The following RAC1 variants were observed in gnomAD, a reference collection of about 807,000 sequenced individuals.
RAC1 encodes the protein ras-related C3 botulinum toxin substrate 1.
In RAC1, 2 loss-of-function variants were observed where a neutral mutation model predicts 25.2. The observed-to-expected ratio is 0.08, with a 90% CI of 0.03 to 0.25. The LOEUF is 0.25. Among genes scored for constraint, RAC1 ranks in the 10% least tolerant of loss-of-function variants. The pLI is 1.00. For synonymous variants in RAC1, 88 were observed against 94.0 expected (o/e 0.94, Z 0.37); for missense variants, 50 against 235.7 (o/e 0.21, Z 5.16).
At chr7:6,379,732 ATTTTTTATTTTT>A (rs1782712335) in intron 1 of RAC1, among the ~76,000 whole-genome samples, 1 of 151,882 alleles carries the variant, frequency 6.6e-6, no homozygotes, top group African/African-American at 2.4e-5. Flanking sequence ...TTATTATTTT[ATTTTTTATTTTT>A]TTATTGCTTA....
At chr7:6,391,055 C>T (rs1783078633) in intron 2 of RAC1, among the ~76,000 whole-genome samples, 1 of 152,024 alleles carries the variant, frequency 6.6e-6, no homozygotes, top group Admixed American at 6.6e-5. Context: ...TGTCACCACG[C>T]CCTGGCTAAT....
At chr7:6,383,790 T>TTTC (rs2115189010) in intron 1 of RAC1, among the ~76,000 whole-genome samples, 1 of 70,448 alleles carries the variant, frequency 1.4e-5, no homozygotes, top group South Asian at 4.4e-4. Context: ...TTATCTTTTT[T>TTTC]TTTTTTTTTT....
chr7:6,386,275 C>T (rs34178055), intron 1 of RAC1, among the ~76,000 whole-genome samples: 1 of 151,926 alleles, frequency 6.6e-6, no homozygotes, highest in East Asian at 1.9e-4. Context: ...AGGATTGGGG[C>T]TGGGGGAGGT....
At chr7:6,386,398 G>C (rs543186276) in intron 1 of RAC1, among the ~76,000 whole-genome samples, 17 of 152,258 alleles carry the variant, frequency 1.1e-4, no homozygotes, top group African/African-American at 3.6e-4. Context: ...GGAGGCTGTA[G>C]GGATGTGGTG....
At chr7:6,374,815 G>A in intron 1 of RAC1, 45 bp downstream of exon 1, 1 of 1,096,240 alleles carries the variant, frequency 9.1e-7, no homozygotes, top group Non-Finnish European at 1.1e-6. Flanking sequence ...GGGATCGGGC[G>A]CGGAGGGGGG....
At chr7:6,400,259 C>T in intron 4 of RAC1, 71 bp downstream of exon 4, 1 of 1,389,640 alleles carries the variant, frequency 7.2e-7, no homozygotes, top group Admixed American at 1.7e-5. Context: ...TTTAAAATAT[C>T]ACTTAGCCTA....
intron 3 of RAC1, among the ~76,000 whole-genome samples, chr7:6,394,141 C>G: frequency 6.6e-6 from 1 of 152,100 alleles, no homozygotes; most frequent in Admixed American, 6.6e-5. Flanking sequence ...TGGAAGATTT[C>G]TTATCTAGGG....
chr7:6,400,997 T>C (rs776799500), intron 4 of RAC1, among the ~76,000 whole-genome samples: 24 of 150,944 alleles, frequency 1.6e-4, no homozygotes, highest in Non-Finnish European at 3.1e-4. Context: ...TGCACTGTCA[T>C]CCAAGCTGGA....
At chr7:6,376,282 A>G (rs1782590960) in intron 1 of RAC1, among the ~76,000 whole-genome samples, 1 of 139,554 alleles carries the variant, frequency 7.2e-6, no homozygotes, top group Non-Finnish European at 1.5e-5. Context: ...TCCCAGGTTC[A>G]AGCGATCCTC....
In RAC1 at chr7:6,402,525, C is replaced by CAA. The variant is rs1170377612; in HGVS notation, c.*90_*91dup. 134 of 203,922 alleles carry CAA rather than the reference C, an allele frequency of 6.6e-4. No homozygotes were observed. Among genetic ancestry groups the CAA allele is most frequent in the Middle Eastern group, 1.5e-3 (1 of 670 alleles). 12.6% of individuals were successfully genotyped at this position (203,922 alleles called of 1,614,324 possible). A position where few individuals can be genotyped will look rare whatever the true frequency, so the allele number is the denominator to read the frequency against. On this transcript the variant is annotated 3_prime_UTR_variant, in exon 6 of 6. Coordinates refer to ENST00000348035, the MANE Select transcript of RAC1 (RefSeq NM_006908.5). ...CTCAAAAAAAAACAAAAAAAAAAAA[C>CAA]AAAAAAAAAAAACAACGGTGGAGCC...
At chr7:6,395,853 G>A (rs750461620) in intron 3 of RAC1, among the ~76,000 whole-genome samples, 1 of 152,224 alleles carries the variant, frequency 6.6e-6, no homozygotes, top group Non-Finnish European at 1.5e-5. Context: ...CAGGTGGATA[G>A]CATTTGGAAG....
chr7:6,381,653 C>T (rs181916771), intron 1 of RAC1, among the ~76,000 whole-genome samples: 1 of 152,142 alleles, frequency 6.6e-6, no homozygotes, highest in Non-Finnish European at 1.5e-5. Flanking sequence ...CCTTGCCCTC[C>T]TAAAGTGCTA....
At chr7:6,380,478 C>G (rs1271136521) in intron 1 of RAC1, among the ~76,000 whole-genome samples, 2 of 152,046 alleles carry the variant, frequency 1.3e-5, no homozygotes, top group African/African-American at 2.4e-5. Context: ...TTTTAGAAAC[C>G]TTAAATTCAC....
At chr7:6,376,311 TAGCTG>T (rs1782591996) in intron 1 of RAC1, among the ~76,000 whole-genome samples, 2 of 149,392 alleles carry the variant, frequency 1.3e-5, no homozygotes, top group Non-Finnish European at 3.0e-5. Context: ...GTGTCCTTAG[TAGCTG>T]GGATTACAGG....
At chr7:6,401,672 A>G (rs1783406967) in intron 4 of RAC1, 196 bp from the exon 5 acceptor site, 9 of 484,540 alleles carry the variant, frequency 1.9e-5, no homozygotes, top group Non-Finnish European at 2.9e-5. Flanking sequence ...CGGGAGTCCT[A>G]GCTTGCTAAT....
In RAC1 at chr7:6,383,139, A is replaced by T. The variant is rs555417063; in HGVS notation, c.36-4073A>T. Among the ~76,000 whole-genome samples the T allele has an allele frequency of 1.1e-4, 17 of 152,308 alleles. No homozygotes were observed. The South Asian group carries it at 3.5e-3, about 32-fold the overall frequency. On this transcript the variant is annotated intron_variant, in intron 1 of 5. Coordinates refer to ENST00000348035, the MANE Select transcript of RAC1 (RefSeq NM_006908.5). Reference sequence around the variant, plus strand: ...AATTATATAAAGTTAGAAATTCCAAAGAAGTAGTAACTACCAGAAATTCTC... The same window carrying T: ...AATTATATAAAGTTAGAAATTCCAATGAAGTAGTAACTACCAGAAATTCTC...
chr7:6,381,236 T>G (rs1035846987), intron 1 of RAC1, among the ~76,000 whole-genome samples: 2 of 152,186 alleles, frequency 1.3e-5, no homozygotes, highest in African/African-American at 2.4e-5. Flanking sequence ...TCTTGTGTGT[T>G]CAGCTGGCTT....
At chr7:6,384,376 T>G (rs1189661352) in intron 1 of RAC1, among the ~76,000 whole-genome samples, 1 of 152,212 alleles carries the variant, frequency 6.6e-6, no homozygotes, top group Non-Finnish European at 1.5e-5. Context: ...TCTTCTAAAA[T>G]CCAGTGCTTT....
chr7:6,388,192 A>G (rs1782976951), intron 2 of RAC1, among the ~76,000 whole-genome samples: 1 of 151,906 alleles, frequency 6.6e-6, no homozygotes, highest in African/African-American at 2.4e-5. Context: ...GAGCCTCATA[A>G]TGCACCATCC....
Sources: allele counts gnomAD v4.1 joint callset (sites outside exome capture counted in the v4.1 genomes callset), GRCh38; gene constraint gnomAD v4.1.1; transcripts MANE v1.5; gene names NCBI Gene and HGNC (gene_info 2026-07-23, HGNC 2026-07-21).